The following LEPR variants were observed in gnomAD, a reference collection of about 807,000 sequenced individuals.
LEPR encodes leptin receptor.
A neutral mutation model predicts 114.7 loss-of-function variants in LEPR; 56 were observed. The ratio of observed to expected loss-of-function variants is 0.49; its 90% CI spans 0.39 to 0.61. The LOEUF is 0.61. Ranked by LOEUF, LEPR falls within the 20% of genes least tolerant of loss-of-function variation. The pLI is 0.00. For missense variants in LEPR, 1,202 were observed against 1,352.9 expected (o/e 0.89, Z 1.75); for synonymous variants, 443 against 461.4 (o/e 0.96, Z 0.51).
At chr1:65,631,636 C>A (rs1658527437) in intron 19 of LEPR, among the ~76,000 whole-genome samples, 1 of 152,072 alleles carries the variant, frequency 6.6e-6, no homozygotes, top group African/African-American at 2.4e-5. Context: ...TTCAGTCAGC[C>A]ATCTTGAATC....
intron 2 of LEPR, among the ~76,000 whole-genome samples, chr1:65,429,192 G>C (rs1173635884): frequency 6.6e-6 from 1 of 152,074 alleles, no homozygotes; most frequent in Admixed American, 6.6e-5. Flanking sequence ...TTTTAGAAAG[G>C]AATCTGTCAG....
At chr1:65,572,256 G>A in intron 4 of LEPR, 70 bp from the exon 5 acceptor site, 1 of 1,416,406 alleles carries the variant, frequency 7.1e-7, no homozygotes, top group East Asian at 2.8e-5. Context: ...CTTTCACTGA[G>A]TTGTTCAGAT....
chr1:65,603,351 TCACA>T (rs35530125), intron 10 of LEPR, among the ~76,000 whole-genome samples: 4 of 149,786 alleles, frequency 2.7e-5, no homozygotes, highest in African/African-American at 4.9e-5. Context: ...CACCATTTAT[TCACA>T]CACACACACA....
intron 2 of LEPR, among the ~76,000 whole-genome samples, chr1:65,447,534 C>CTTT (rs576747673): frequency 7.4e-6 from 1 of 135,628 alleles, no homozygotes; most frequent in African/African-American, 2.7e-5. Context: ...TTTTTCTTTT[C>CTTT]TTTTTTTTTT....
chr1:65,485,373 G>A (rs1011735596), intron 2 of LEPR, among the ~76,000 whole-genome samples: 4 of 152,048 alleles, frequency 2.6e-5, no homozygotes, highest in African/African-American at 4.8e-5. Flanking sequence ...ATGTGCAGTA[G>A]GTGTTGTGAT....
At chr1:65,491,297 G>A (rs554304594) in intron 2 of LEPR, among the ~76,000 whole-genome samples, 9 of 152,082 alleles carry the variant, frequency 5.9e-5, no homozygotes, top group African/African-American at 7.2e-5. Context: ...AGTTATTTTC[G>A]TATGTACACA....
chr1:65,488,230 T>TCTC (rs1557620391), intron 2 of LEPR, among the ~76,000 whole-genome samples: 12 of 49,450 alleles, frequency 2.4e-4, no homozygotes, highest in Non-Finnish European at 3.5e-4. Flanking sequence ...CTCTCTCTCT[T>TCTC]TCTTTCTTTC....
intron 2 of LEPR, among the ~76,000 whole-genome samples, chr1:65,563,382 C>A (rs1287715424): frequency 2.0e-5 from 1 of 49,378 alleles, no homozygotes; most frequent in Non-Finnish European, 4.2e-5. Context: ...ACGTAGTTCT[C>A]GAGCCTTGGT....
intron 2 of LEPR, among the ~76,000 whole-genome samples, chr1:65,449,694 T>C (rs1290262797): frequency 1.3e-5 from 2 of 152,054 alleles, no homozygotes; most frequent in African/African-American, 4.8e-5. Context: ...CTTTTTTTTT[T>C]TTTTAAATAG....
intron 12 of LEPR, 106 bp downstream of exon 12, chr1:65,609,007 C>T (rs1570807895): frequency 1.4e-6 from 2 of 1,413,196 alleles, no homozygotes; most frequent in South Asian, 1.2e-5. Flanking sequence ...AGTACATTCT[C>T]CTGTATTGTG....
intron 19 of LEPR, among the ~76,000 whole-genome samples, chr1:65,632,841 T>G (rs1446107320): frequency 6.6e-6 from 1 of 152,118 alleles, no homozygotes; most frequent in African/African-American, 2.4e-5. Context: ...TGGTTCTCCC[T>G]CTTTAAATTT....
intron 2 of LEPR, among the ~76,000 whole-genome samples, chr1:65,552,218 A>G (rs1009455289): frequency 1.3e-5 from 2 of 152,198 alleles, no homozygotes; most frequent in African/African-American, 4.8e-5. Context: ...GATGCCTATT[A>G]GGTCTTCTTG....
chr1:65,567,226 G>T (rs1449123146), intron 3 of LEPR, among the ~76,000 whole-genome samples: 1 of 152,132 alleles, frequency 6.6e-6, no homozygotes, highest in African/African-American at 2.4e-5. Context: ...TAATTTAACT[G>T]CATCAATAGT....
chr1:65,425,445 A>AG, intron 2 of LEPR, 67 bp downstream of exon 2: 2 of 1,390,838 alleles, frequency 1.4e-6, no homozygotes, highest in Non-Finnish European at 2.0e-6. Context: ...TATGGGTGTT[A>AG]GAGAGTTCGG....
chr1:65,593,437 A>T (rs1655843386), intron 6 of LEPR, among the ~76,000 whole-genome samples: 1 of 152,116 alleles, frequency 6.6e-6, no homozygotes, highest in African/African-American at 2.4e-5. Flanking sequence ...CTTTTTATCA[A>T]TTTAAATATA....
At chr1:65,446,332 A>G (rs1196753537) in intron 2 of LEPR, among the ~76,000 whole-genome samples, 1 of 152,218 alleles carries the variant, frequency 6.6e-6, no homozygotes, top group Non-Finnish European at 1.5e-5. Context: ...CATATAGGGT[A>G]ATGACATTGC....
rs1356688893 is a variant in LEPR at position 65,598,734 on chromosome 1, G to C, written c.924G>C (p.Val308=). The part of the protein sequence containing the change: ...ILPGSSYEVQ[V]RGKRLDGPGI... ...CTGGGTCTTCGTATGAGGTTCAGGT[G>C]AGGGGCAAGAGACTGGATGGCCCAG... is the stretch of plus-strand genomic sequence containing the variant. Residue 308 remains valine, a synonymous_variant, in exon 8 of 20, where the codon GTG becomes GTC. Coordinates refer to ENST00000349533, the MANE Select transcript of LEPR (RefSeq NM_002303.6). The C allele has an allele frequency of 6.2e-7, 1 of 1,613,434 alleles. No individual in the cohort carries two copies. Among genetic ancestry groups the C allele is most frequent in the Non-Finnish European group, 8.5e-7 (1 of 1,179,616 alleles).
chr1:65,595,357 A>G (rs979877131), intron 6 of LEPR, among the ~76,000 whole-genome samples: 1 of 152,002 alleles, frequency 6.6e-6, no homozygotes, highest in African/African-American at 2.4e-5. Flanking sequence ...CACACTAGTA[A>G]CTCCAGTTTG....
intron 5 of LEPR, among the ~76,000 whole-genome samples, chr1:65,585,760 C>A (rs149267951): frequency 6.6e-6 from 1 of 151,908 alleles, no homozygotes; most frequent in Non-Finnish European, 1.5e-5. Flanking sequence ...CCAAGTATAT[C>A]TCCTGTTACT....
Sources: allele counts gnomAD v4.1 joint callset (sites outside exome capture counted in the v4.1 genomes callset), GRCh38; gene constraint gnomAD v4.1.1; transcripts MANE v1.5; gene names NCBI Gene and HGNC (gene_info 2026-07-23, HGNC 2026-07-21).